The following DNAH9 variants were observed in gnomAD, a reference collection of about 807,000 sequenced individuals.
The protein encoded by DNAH9 is dynein axonemal heavy chain 9, also known as DNAH9 variant protein.
Under a neutral mutation model 471.6 loss-of-function variants are expected in DNAH9, and 345 were observed. The ratio of observed to expected loss-of-function variants is 0.73; its 90% CI spans 0.67 to 0.80. The LOEUF (loss-of-function observed/expected upper bound fraction) is 0.80, where lower values mean the gene tolerates loss of function less well. DNAH9 is among the 30% of genes least tolerant of loss of function. The probability of loss-of-function intolerance (pLI) is 0.00; values close to 1 mark genes in which losing one functional copy is unlikely to be tolerated. For missense variants in DNAH9, 5,407 were observed against 5,609.2 expected, an observed-to-expected ratio of 0.96 and a Z score of 1.15; for synonymous variants, 2,093 against 2,123.6, an observed-to-expected ratio of 0.99 and a Z score of 0.40.
chr17:11,939,887 A>AATGG (rs1329021223), intron 66 of DNAH9, among the ~76,000 whole-genome samples: 3 of 150,292 alleles, frequency 2.0e-5, no homozygotes, highest in East Asian at 2.0e-4. Flanking sequence ...TTGATGGATG[A>AATGG]ATGGATGGAT....
intron 15 of DNAH9, among the ~76,000 whole-genome samples, chr17:11,666,880 G>A (rs901327566): frequency 1.1e-4 from 17 of 152,152 alleles, no homozygotes; most frequent in Admixed American, 9.8e-4. Context: ...GCAGAGCAGG[G>A]GCTTCTATGA....
intron 67 of DNAH9, among the ~76,000 whole-genome samples, chr17:11,944,826 T>C (rs954861923): frequency 6.6e-6 from 1 of 152,140 alleles, no homozygotes; most frequent in African/African-American, 2.4e-5. Context: ...GAAATTCTTA[T>C]GATGACTCAA....
rs532821870 is a variant in DNAH9 at position 11,727,787 on chromosome 17, G to A, written c.5710-31G>A. The A allele has an allele frequency of 2.0e-6, 3 of 1,476,298 alleles. No individual in the cohort carries two copies. The South Asian group carries it at 3.4e-5, about 17-fold the overall frequency. The allele number at this position is 1,476,298 out of a possible 1,614,324, so 91.4% of individuals were successfully genotyped here. On this transcript the variant is annotated intron_variant, in intron 27 of 68. Transcript: ENST00000262442. ...CATGTATTGATAAGCCTGGCCCGTT[G>A]GTAATTTAATCTTTGTGCATTTTCT...
At chr17:11,828,131 C>A (rs369695905) in intron 48 of DNAH9, among the ~76,000 whole-genome samples, 1 of 152,148 alleles carries the variant, frequency 6.6e-6, no homozygotes, top group African/African-American at 2.4e-5. Flanking sequence ...TCTACTCTTG[C>A]CCCTCTGTAG....
chr17:11,932,286 G>A lies in DNAH9; in HGVS notation c.12297+81G>A, dbSNP rs1264318553. ...TAATTTTGAGGGGTGAATCAGAGGG[G>A]TCTAGGATGGGGCCTGAGAATGTGC... On this transcript the variant is annotated intron_variant, in intron 64 of 68. Coordinates refer to ENST00000262442, the MANE Select transcript of DNAH9 (RefSeq NM_001372.4). The surrounding 1 kb of genome is among the most constrained non-coding windows in gnomAD (Gnocchi z 4.3). The A allele has an allele frequency of 2.1e-6, 3 of 1,399,522 alleles. No homozygotes were observed. Among genetic ancestry groups the A allele is most frequent in the African/African-American group, 1.4e-5 (1 of 69,396 alleles). The allele number at this position is 1,399,522 out of a possible 1,614,324, so 86.7% of individuals were successfully genotyped here. A position where few individuals can be genotyped will look rare whatever the true frequency, so the allele number is the denominator to read the frequency against.
chr17:11,768,188 A>T (rs574476804), intron 36 of DNAH9, among the ~76,000 whole-genome samples: 3 of 152,106 alleles, frequency 2.0e-5, no homozygotes, highest in African/African-American at 7.2e-5. Flanking sequence ...TCCACCCTTC[A>T]GTGGCTGTAA....
chr17:11,957,726 C>T (rs1975727687), intron 67 of DNAH9, among the ~76,000 whole-genome samples: 1 of 152,112 alleles, frequency 6.6e-6, no homozygotes, highest in Admixed American at 6.6e-5. Flanking sequence ...CTACTTCAGC[C>T]ATACACCACA....
At chr17:11,880,895 T>C (rs2150995153) in intron 54 of DNAH9, among the ~76,000 whole-genome samples, 1 of 152,256 alleles carries the variant, frequency 6.6e-6, no homozygotes, top group Admixed American at 6.5e-5. Flanking sequence ...TGCAAGGTGG[T>C]TCACCTTCCT....
At chr17:11,900,096 A>C (rs959215031) in intron 59 of DNAH9, among the ~76,000 whole-genome samples, 1 of 63,644 alleles carries the variant, frequency 1.6e-5, no homozygotes, top group East Asian at 3.4e-4. Flanking sequence ...CTCATTTTCC[A>C]AATGAAAAAA....
intron 26 of DNAH9, among the ~76,000 whole-genome samples, chr17:11,707,895 T>C (rs975723861): frequency 1.3e-5 from 2 of 151,788 alleles, no homozygotes; most frequent in Non-Finnish European, 2.9e-5. Context: ...TCTCATGCTT[T>C]TGTTCTACTC....
chr17:11,607,459 C>A (rs560195372), intron 1 of DNAH9, among the ~76,000 whole-genome samples: 97 of 152,258 alleles, frequency 6.4e-4, no homozygotes, highest in African/African-American at 2.2e-3. Context: ...CACTGGGGGA[C>A]GCAATTGGCT....
At chr17:11,679,151 A>T (rs964093312) in intron 17 of DNAH9, among the ~76,000 whole-genome samples, 4 of 152,144 alleles carry the variant, frequency 2.6e-5, no homozygotes, top group Non-Finnish European at 2.9e-5. Context: ...TATAATCTTA[A>T]GACAGTTTTT....
chr17:11,796,704 C>A (rs927878355), intron 42 of DNAH9, among the ~76,000 whole-genome samples: 1 of 152,202 alleles, frequency 6.6e-6, no homozygotes, highest in African/African-American at 2.4e-5. Context: ...GCTGGCATAA[C>A]TTCCTATTTG....
chr17:11,743,149 G>T (rs368112476), intron 30 of DNAH9, among the ~76,000 whole-genome samples: 8 of 152,078 alleles, frequency 5.3e-5, no homozygotes, highest in East Asian at 1.9e-4. Context: ...CTAAGCCCAA[G>T]CTTCCTTCTC....
At position 11,894,418 on chromosome 17, in the gene DNAH9, C is replaced by T; in HGVS notation, c.11328C>T (p.Phe3776=). 1 of 1,614,166 alleles carries T rather than the reference C, an allele frequency of 6.2e-7. No homozygotes were observed. The highest frequency in any genetic ancestry group is 8.5e-7 in the Non-Finnish European group (1 of 1,180,022). Residue 3776 remains phenylalanine (F), a synonymous_variant, in exon 59 of 69, where the codon TTC becomes TTT. Transcript: ENST00000262442. ...NREVNAVELD[F]LLRSPVQTGT... ...AAGTCAATGCAGTGGAGTTGGATTT[C>T]CTGCTTCGATCTCCAGTGCAGACGG... is the stretch of plus-strand genomic sequence containing the variant.
intron 48 of DNAH9, among the ~76,000 whole-genome samples, chr17:11,831,158 G>A (rs556682396): frequency 1.6e-4 from 24 of 152,286 alleles, no homozygotes; most frequent in African/African-American, 5.1e-4. Context: ...TGCTATAAAG[G>A]AATACCTAAG....
At chr17:11,687,728 A>C (rs1297219524) in intron 19 of DNAH9, among the ~76,000 whole-genome samples, 2 of 152,098 alleles carry the variant, frequency 1.3e-5, no homozygotes, top group African/African-American at 4.8e-5. Flanking sequence ...CTCCAAGCAC[A>C]CAGAAGCAAG....
intron 14 of DNAH9, among the ~76,000 whole-genome samples, chr17:11,655,417 A>G (rs2073620512): frequency 6.6e-6 from 1 of 151,680 alleles, no homozygotes; most frequent in Non-Finnish European, 1.5e-5. Flanking sequence ...ATTTAGAGAA[A>G]AAGATAAAAA....
At chr17:11,908,655 A>G (rs1973686173) in intron 61 of DNAH9, among the ~76,000 whole-genome samples, 1 of 152,272 alleles carries the variant, frequency 6.6e-6, no homozygotes, top group Non-Finnish European at 1.5e-5. Flanking sequence ...CAGATTAAAC[A>G]TTCCACATCA....
Sources: gnomAD v4.1 joint callset for allele counts (sites outside exome capture counted in the v4.1 genomes callset) on GRCh38, gnomAD v4.1.1 for gene constraint, Gnocchi (gnomAD v3.1) non-coding constraint, MANE v1.5 for transcripts, NCBI Gene and HGNC (gene_info 2026-07-23, HGNC 2026-07-21) for gene names.